Variants in MRGPRX1 observed in about 807,000 individuals in gnomAD.
The protein encoded by MRGPRX1 is MAS related GPR family member X1.
For synonymous variants in MRGPRX1, 208 were observed against 170.4 expected, an observed-to-expected ratio of 1.22 and a Z score of -1.72; for missense variants, 411 against 393.8, an observed-to-expected ratio of 1.04 and a Z score of -0.37.
At chr11:18,938,401 G>A (rs1848857385) in intron 1 of MRGPRX1, among the ~76,000 whole-genome samples, 1 of 151,600 alleles carries the variant, frequency 6.6e-6, no homozygotes, top group Non-Finnish European at 1.5e-5. Context: ...GCAGGAGCAA[G>A]AGAGACAGGG....
chr11:18,936,309 A>C (rs1848840270), intron 1 of MRGPRX1, among the ~76,000 whole-genome samples: 1 of 151,248 alleles, frequency 6.6e-6, no homozygotes, highest in African/African-American at 2.4e-5. Context: ...AAAAAAAAAA[A>C]AACTAACCTA....
intron 1 of MRGPRX1, among the ~76,000 whole-genome samples, chr11:18,936,909 T>C (rs931856053): frequency 6.6e-6 from 1 of 151,406 alleles, no homozygotes; most frequent in Non-Finnish European, 1.5e-5. Context: ...GAGACTTCTG[T>C]ATGGTTCTCT....
In MRGPRX1 at chr11:18,934,030, T is replaced by A. The variant is rs1380696014; in HGVS notation, c.755A>T (p.His252Leu). Residue 252 changes from histidine to leucine, a missense_variant, in exon 2 of 2, where the codon CAT becomes CTT. His to Leu is a moderately conservative substitution (Grantham distance 99). Coordinates refer to ENST00000526914, the MANE Select transcript of MRGPRX1 (RefSeq NM_001393578.1). ...IHVDREVLFC[H>L]VHLVSIFLSA... ...CAGGAAAATAGAAACTAGATGAACATGACAAAATAAGACTTCCCTGTCCAC... is the reference window on the plus strand; with the variant it reads ...CAGGAAAATAGAAACTAGATGAACAAGACAAAATAAGACTTCCCTGTCCAC... 1 of 1,610,610 alleles carries A rather than the reference T, an allele frequency of 6.2e-7. No homozygotes were observed. The highest frequency in any genetic ancestry group is 1.3e-5 in the African/African-American group (1 of 74,654).
chr11:18,937,286 G>A (rs1415499733), intron 1 of MRGPRX1, among the ~76,000 whole-genome samples: 1 of 151,226 alleles, frequency 6.6e-6, no homozygotes, highest in African/African-American at 2.4e-5. Context: ...ACTCTCTAGG[G>A]ACTCGAGAGT....
chr11:18,933,761 G>C lies in MRGPRX1; in HGVS notation c.*55C>G, dbSNP rs1848809427. On this transcript the variant is annotated 3_prime_UTR_variant, in exon 2 of 2. Transcript: ENST00000526914. ...AAGAAAAACGCATATAATTGTCAAG[G>C]GTGGCAGGGCAGTGTTGCTCTCAAA... The C allele has an allele frequency of 6.5e-7, 1 of 1,536,672 alleles. No individual in the cohort carries two copies. Among genetic ancestry groups the C allele is most frequent in the Non-Finnish European group, 8.7e-7 (1 of 1,143,922 alleles).
chr11:18,935,399 A>C (rs1284649972), intron 1 of MRGPRX1: 1 of 151,660 alleles, frequency 6.6e-6, no homozygotes, highest in Non-Finnish European at 1.5e-5. Flanking sequence ...TCAATGAATG[A>C]ATGCATGCAT....
At position 18,933,588 on chromosome 11, in the gene MRGPRX1, G is replaced by A. The variant is rs1257471767; in HGVS notation, c.*228C>T. On this transcript the variant is annotated 3_prime_UTR_variant, in exon 2 of 2. Coordinates refer to ENST00000526914, the MANE Select transcript of MRGPRX1 (RefSeq NM_001393578.1). Reference sequence around the variant, plus strand: ...GAAAGATTCAGTGTGAGATAACAGGGAAAATGTGTTGGTAATATCAAGGAG... The same window carrying A: ...GAAAGATTCAGTGTGAGATAACAGGAAAAATGTGTTGGTAATATCAAGGAG... 1.3e-5 allele frequency among the ~76,000 whole-genome samples: 2 copies of A among 151,480 alleles called. No individual in the cohort carries two copies. The highest frequency in any genetic ancestry group is 2.9e-5 in the Non-Finnish European group (2 of 67,816).
intron 1 of MRGPRX1, among the ~76,000 whole-genome samples, chr11:18,935,579 A>C (rs1848834037): frequency 6.6e-6 from 1 of 151,562 alleles, no homozygotes; most frequent in African/African-American, 2.4e-5. Context: ...ATGAGTGCCC[A>C]AAACCTGAAA....
At chr11:18,937,876 T>G (rs1380181031) in intron 1 of MRGPRX1, among the ~76,000 whole-genome samples, 1 of 151,578 alleles carries the variant, frequency 6.6e-6, no homozygotes, top group East Asian at 1.9e-4. Context: ...GAAGTGACAG[T>G]AGAGAAAGAC....
rs147540250 is a variant in MRGPRX1, at chr11:18,934,232, T to A, written c.553A>T (p.Ile185Phe). The change falls in exon 2 of 2, where the codon ATT (isoleucine) becomes TTT (phenylalanine). Residue 185 changes from isoleucine to phenylalanine, a missense_variant. Coordinates refer to ENST00000526914, the MANE Select transcript of MRGPRX1 (RefSeq NM_001393578.1). ...CCACAGAGAACCACACATAAAAAAATCAGCCACGCGACTGTGATGAAATCT... is the reference window on the plus strand; with the variant it reads ...CCACAGAGAACCACACATAAAAAAAACAGCCACGCGACTGTGATGAAATCT... ...TSDFITVAWLIFLCVVLCGSS... is the reference protein window; with the variant it reads ...TSDFITVAWLFFLCVVLCGSS... 16 of 1,609,906 alleles carry A rather than the reference T, an allele frequency of 9.9e-6. No homozygotes were observed. In the African/African-American group the frequency reaches 2.0e-4, roughly 20 times the overall value.
chr11:18,934,149 G>A lies in MRGPRX1; in HGVS notation c.636C>T (p.Thr212=), dbSNP rs775417900. Residue 212 remains threonine, a synonymous_variant, in exon 2 of 2, where the codon ACC becomes ACT. Transcript: ENST00000526914. The part of the protein sequence containing the change: ...ILCGSRKIPL[T]RLYVTILLTV... ...TGAGCAGGATGGTCACGTACAGCCTGGTCAGCGGTATCTTCCGGGATCCAC... is the reference window on the plus strand; with the variant it reads ...TGAGCAGGATGGTCACGTACAGCCTAGTCAGCGGTATCTTCCGGGATCCAC... 45 of 1,610,806 alleles carry A rather than the reference G, an allele frequency of 2.8e-5. 3 individuals are homozygous for A. In the East Asian group the frequency reaches 9.6e-4, roughly 34 times the overall value.
intron 1 of MRGPRX1, among the ~76,000 whole-genome samples, chr11:18,936,266 T>G (rs1211109252): frequency 6.7e-6 from 1 of 150,330 alleles, no homozygotes; most frequent in Non-Finnish European, 1.5e-5. Context: ...ATTCTCAAGA[T>G]TAAATCCAAG....
Position 18,936,665 on chromosome 11 carries a change from G to T in MRGPRX1, c.-25-1856C>A, listed in dbSNP as rs944133018. Among the ~76,000 whole-genome samples the T allele has an allele frequency of 9.2e-5, 14 of 151,434 alleles. 1 individual carries two copies. Among genetic ancestry groups the T allele is most frequent in the African/African-American group, 2.7e-4 (11 of 41,280 alleles). ...AACACATTGTCCCTCTATATTTAGGGTAATGGTGTGTTTGTCTTCCTCATG... is the reference window on the plus strand; with the variant it reads ...AACACATTGTCCCTCTATATTTAGGTTAATGGTGTGTTTGTCTTCCTCATG... On this transcript the variant is annotated intron_variant, in intron 1 of 1. Transcript: ENST00000526914.
rs772190720 is a variant in MRGPRX1 at position 18,934,146 on chromosome 11, C to A, written c.639G>T (p.Arg213Ser). Residue 213 changes from arginine to serine, a missense_variant, in exon 2 of 2, where the codon AGG becomes AGT. By Grantham distance (110) the Arg-to-Ser change is moderately radical. Coordinates refer to ENST00000526914, the MANE Select transcript of MRGPRX1 (RefSeq NM_001393578.1). ...LCGSRKIPLTRLYVTILLTVL... is the reference protein window; with the variant it reads ...LCGSRKIPLTSLYVTILLTVL... ...CTGTGAGCAGGATGGTCACGTACAG[C>A]CTGGTCAGCGGTATCTTCCGGGATC... is the stretch of plus-strand genomic sequence containing the variant. 1.9e-6 allele frequency: 3 copies of A among 1,610,892 alleles called. 1 individual carries two copies. Among genetic ancestry groups the A allele is most frequent in the Non-Finnish European group, 2.5e-6 (3 of 1,178,220 alleles).
At position 18,934,737 on chromosome 11, in the gene MRGPRX1, G is replaced by A. The variant is rs771992491; in HGVS notation, c.48C>T (p.Asn16=). 5.0e-6 allele frequency: 8 copies of A among 1,602,228 alleles called. No individual in the cohort carries two copies. The highest frequency in any genetic ancestry group is 4.5e-5 in the East Asian group (2 of 44,728). The change falls in exon 2 of 2, where the codon AAC becomes AAT. Residue 16 remains asparagine (N), a synonymous_variant. Coordinates refer to ENST00000526914, the MANE Select transcript of MRGPRX1 (RefSeq NM_001393578.1). The part of the protein sequence containing the change: ...STLDTELTPI[N]GTEETLCYKQ... Reference sequence around the variant, plus strand: ...TGTAGCAAAGAGTCTCCTCAGTTCCGTTGATTGGTGTCAGTTCTGTGTCCA... The same window carrying A: ...TGTAGCAAAGAGTCTCCTCAGTTCCATTGATTGGTGTCAGTTCTGTGTCCA...
At position 18,934,049 on chromosome 11, in the gene MRGPRX1, T is replaced by A; in HGVS notation, c.736A>T (p.Arg246Trp). Residue 246 changes from arginine (R) to tryptophan (W), a missense_variant, in exon 2 of 2, where the codon AGG becomes TGG. Coordinates refer to ENST00000526914, the MANE Select transcript of MRGPRX1 (RefSeq NM_001393578.1). The part of the protein sequence containing the change: ...FFLFLWIHVD[R>W]EVLFCHVHLV... The stretch of plus-strand genomic sequence containing the variant: ...TGAACATGACAAAATAAGACTTCCC[T>A]GTCCACGTGGATCCATAAAAATAGG... 6.2e-7 allele frequency: 1 copy of A among 1,610,894 alleles called. No homozygotes were observed. The highest frequency in any genetic ancestry group is 8.5e-7 in the Non-Finnish European group (1 of 1,178,224).
chr11:18,938,015 T>C lies in MRGPRX1; in HGVS notation c.-26+1265A>G, dbSNP rs2128666. ...GGGATAGTCTCATTTGCTATGATGA[T>C]TTGCTTTCCATTCTTCTCTATCCTG... is the stretch of plus-strand genomic sequence containing the variant. On this transcript the variant is annotated intron_variant, in intron 1 of 1. Coordinates refer to ENST00000526914, the MANE Select transcript of MRGPRX1 (RefSeq NM_001393578.1). Among the ~76,000 whole-genome samples the C allele has an allele frequency of 2.6e-3, 387 of 151,466 alleles. 5 individuals carry two copies. Among genetic ancestry groups the C allele is most frequent in the African/African-American group, 8.7e-3 (360 of 41,364 alleles).
chr11:18,933,745 GC>G lies in MRGPRX1; in HGVS notation c.*70del. The G allele has an allele frequency of 6.6e-7, 1 of 1,520,234 alleles. No homozygotes were observed. Among genetic ancestry groups the G allele is most frequent in the Non-Finnish European group, 8.8e-7 (1 of 1,135,102 alleles). The allele number at this position is 1,520,234 out of a possible 1,614,324, so 94.2% of individuals were successfully genotyped here. A position where few individuals can be genotyped will look rare whatever the true frequency, so the allele number is the denominator to read the frequency against. ...TCTGAGGCAGAAGGCTAAGAAAAACGCATATAATTGTCAAGGGTGGCAGGGC... is the reference window on the plus strand; with the variant it reads ...TCTGAGGCAGAAGGCTAAGAAAAACGATATAATTGTCAAGGGTGGCAGGGC... On this transcript the variant is annotated 3_prime_UTR_variant, in exon 2 of 2. Transcript: ENST00000526914.
At position 18,934,718 on chromosome 11, in the gene MRGPRX1, A is replaced by G. The variant is rs779046557; in HGVS notation, c.67T>C (p.Cys23Arg). Reference sequence around the variant, plus strand: ...GTGAGGCTCAAGGTCTGCTTGTAGCAAAGAGTCTCCTCAGTTCCGTTGATT... The same window carrying G: ...GTGAGGCTCAAGGTCTGCTTGTAGCGAAGAGTCTCCTCAGTTCCGTTGATT... ...TPINGTEETL[C>R]YKQTLSLTVL... Residue 23 changes from cysteine (C) to arginine (R), a missense_variant, in exon 2 of 2, where the codon TGC becomes CGC. By Grantham distance (180) the Cys-to-Arg change is radical. Transcript: ENST00000526914. 6.2e-7 allele frequency: 1 copy of G among 1,608,354 alleles called. No homozygotes were observed. The highest frequency in any genetic ancestry group is 8.5e-7 in the Non-Finnish European group (1 of 1,177,146).
Sources: allele counts gnomAD v4.1 joint callset (sites outside exome capture counted in the v4.1 genomes callset), GRCh38; gene constraint gnomAD v4.1.1; transcripts MANE v1.5; gene names NCBI Gene and HGNC (gene_info 2026-07-23, HGNC 2026-07-21).